PTDSS1: variants seen among roughly 807,000 people sequenced by gnomAD.
The protein encoded by PTDSS1 is PSS-1.
In PTDSS1, 45 loss-of-function variants were observed where a neutral mutation model predicts 70.5. The ratio of observed to expected loss-of-function variants is 0.64; its 90% CI spans 0.50 to 0.82. The LOEUF is 0.82. PTDSS1 is among the 40% of genes least tolerant of loss of function. The pLI, the probability that PTDSS1 is intolerant of heterozygous loss-of-function variation, is 0.00. For synonymous variants in PTDSS1, 188 were observed against 203.8 expected, an observed-to-expected ratio of 0.92 and a Z score of 0.66; for missense variants, 417 against 586.1, an observed-to-expected ratio of 0.71 and a Z score of 2.98.
intron 10 of PTDSS1, among the ~76,000 whole-genome samples, chr8:96,320,948 GT>G (rs1811365734): frequency 6.6e-6 from 1 of 152,190 alleles, no homozygotes; most frequent in African/African-American, 2.4e-5. Flanking sequence ...AAGTAAGATA[GT>G]ACCCACTTAC....
chr8:96,265,738 C>G (rs190615206), intron 1 of PTDSS1, among the ~76,000 whole-genome samples: 1 of 152,318 alleles, frequency 6.6e-6, no homozygotes, highest in East Asian at 1.9e-4. Context: ...CTCCACCCTA[C>G]TCACTCGACA....
At chr8:96,279,518 TA>T (rs978433383) in intron 2 of PTDSS1, among the ~76,000 whole-genome samples, 68 of 146,050 alleles carry the variant, frequency 4.7e-4, no homozygotes, top group Admixed American at 6.8e-4. Context: ...CTACTTTTTG[TA>T]AAAAAAAAAA....
At chr8:96,317,901 G>A (rs1349078705) in intron 9 of PTDSS1, among the ~76,000 whole-genome samples, 734 of 36,072 alleles carry the variant, frequency 0.02, 9 homozygotes, top group African/African-American at 0.064. Flanking sequence ...GTGTGTGTGT[G>A]TGTGTGTGTG....
chr8:96,296,636 A>T (rs1810980143), intron 5 of PTDSS1, among the ~76,000 whole-genome samples: 1 of 152,156 alleles, frequency 6.6e-6, no homozygotes, highest in African/African-American at 2.4e-5. Flanking sequence ...GACACAATTC[A>T]ACCGATCCAT....
intron 10 of PTDSS1, among the ~76,000 whole-genome samples, chr8:96,323,121 G>C (rs144485630): frequency 6.6e-6 from 1 of 152,356 alleles, no homozygotes; most frequent in East Asian, 1.9e-4. Context: ...TTTATGTTCT[G>C]TGTCCTGGCC....
chr8:96,267,377 C>T (rs1268217686), intron 1 of PTDSS1, among the ~76,000 whole-genome samples: 5 of 152,122 alleles, frequency 3.3e-5, no homozygotes, highest in South Asian at 2.1e-4. Flanking sequence ...TTATAGCTTT[C>T]GGGACTGTTC....
chr8:96,327,579 C>T (rs1811455663), intron 10 of PTDSS1, among the ~76,000 whole-genome samples: 2 of 152,160 alleles, frequency 1.3e-5, no homozygotes. Flanking sequence ...CCTTCTGCCC[C>T]ACTCAGAAAA....
chr8:96,306,668 C>T lies in PTDSS1; in HGVS notation c.1007+112C>T, dbSNP rs182511609. ...AGCAGATTTTCCATGAAAATACCAT[C>T]GTAAAGAATTGTACATCCAGAATAT... On this transcript the variant is annotated intron_variant, in intron 8 of 12. Coordinates refer to ENST00000517309, the MANE Select transcript of PTDSS1 (RefSeq NM_014754.3). 2.2e-5 allele frequency: 18 copies of T among 819,238 alleles called. No homozygotes were observed. In the Admixed American group the frequency reaches 2.3e-4, roughly 10 times the overall value. 50.7% of individuals were successfully genotyped at this position (819,238 alleles called of 1,614,324 possible).
intron 12 of PTDSS1, among the ~76,000 whole-genome samples, chr8:96,332,077 C>A (rs1222268896): frequency 7.7e-6 from 1 of 129,866 alleles, no homozygotes; most frequent in East Asian, 2.4e-4. Flanking sequence ...AAAAGCCTTT[C>A]AAAAGAGGGG....
intron 5 of PTDSS1, among the ~76,000 whole-genome samples, chr8:96,296,777 A>G (rs1810982215): frequency 6.6e-6 from 1 of 152,128 alleles, no homozygotes; most frequent in Non-Finnish European, 1.5e-5. Flanking sequence ...GTGAGTTAGG[A>G]TTGGATTCCA....
In PTDSS1 at chr8:96,327,238, G is replaced by A. The variant is rs964988907; in HGVS notation, c.1174-2975G>A. The stretch of plus-strand genomic sequence containing the variant: ...TTGGAGTCCTGGGATTAGGTTAAGA[G>A]CTCAGGGAACATGCCTCTGGGAGAG... On this transcript the variant is annotated intron_variant, in intron 10 of 12. Coordinates refer to ENST00000517309, the MANE Select transcript of PTDSS1 (RefSeq NM_014754.3). Among the ~76,000 whole-genome samples, 6 of 152,202 alleles carry A rather than the reference G, an allele frequency of 3.9e-5. 1 individual carries two copies. In the South Asian group the frequency reaches 1.0e-3, roughly 26 times the overall value.
At chr8:96,287,321 C>T in intron 4 of PTDSS1, 175 bp downstream of exon 4, 1 of 800,460 alleles carries the variant, frequency 1.2e-6, no homozygotes, top group Non-Finnish European at 1.9e-6. Flanking sequence ...TGATAGAGTT[C>T]AGGGAAAGAA....
chr8:96,300,335 C>T (rs909670077), intron 6 of PTDSS1, among the ~76,000 whole-genome samples: 14 of 152,170 alleles, frequency 9.2e-5, no homozygotes, highest in Admixed American at 3.3e-4. Context: ...TTTCTCTACA[C>T]CCTCCCAGGC....
intron 4 of PTDSS1, 134 bp downstream of exon 4, chr8:96,287,280 A>G: frequency 8.0e-7 from 1 of 1,251,140 alleles, no homozygotes; most frequent in Non-Finnish European, 1.1e-6. Flanking sequence ...GGTCTCTGGG[A>G]GGGTTGTTGA....
intron 10 of PTDSS1, 85 bp downstream of exon 10, chr8:96,320,430 T>G (rs1284104834): frequency 8.5e-7 from 1 of 1,182,788 alleles, no homozygotes; most frequent in Non-Finnish European, 1.2e-6. Context: ...AACCCTCTTG[T>G]GTATCAAAGT....
chr8:96,262,021 G>A lies in PTDSS1; in HGVS notation c.-20G>A. 1 of 1,605,412 alleles carries A rather than the reference G, an allele frequency of 6.2e-7. No homozygotes were observed. The highest frequency in any genetic ancestry group is 2.2e-5 in the East Asian group (1 of 44,536). Reference sequence around the variant, plus strand: ...TCGGGCTGGGGCCGCCGCCACCGCGGCAGGACGGGGAGGCGGGCCATGGCG... The same window carrying A: ...TCGGGCTGGGGCCGCCGCCACCGCGACAGGACGGGGAGGCGGGCCATGGCG... On this transcript the variant is annotated 5_prime_UTR_variant, in exon 1 of 13. Coordinates refer to ENST00000517309, the MANE Select transcript of PTDSS1 (RefSeq NM_014754.3). The surrounding 1 kb of genome is among the most constrained non-coding windows in gnomAD (Gnocchi z 4.4).
At chr8:96,273,737 A>G (rs1484838882) in intron 2 of PTDSS1, among the ~76,000 whole-genome samples, 1 of 152,188 alleles carries the variant, frequency 6.6e-6, no homozygotes, top group Non-Finnish European at 1.5e-5. Flanking sequence ...TGTTATTATC[A>G]GTTGAGTCAT....
At chr8:96,290,225 C>T (rs189129497) in intron 4 of PTDSS1, among the ~76,000 whole-genome samples, 1 of 152,242 alleles carries the variant, frequency 6.6e-6, no homozygotes, top group African/African-American at 2.4e-5. Context: ...CTCACAGGAG[C>T]CTTAGGAAAT....
chr8:96,302,036 T>TG (rs1256026058), intron 6 of PTDSS1, among the ~76,000 whole-genome samples: 3 of 152,170 alleles, frequency 2.0e-5, no homozygotes. Context: ...TTTGTTTTTT[T>TG]GAGACAGAGT....
Sources: allele counts gnomAD v4.1 joint callset (sites outside exome capture counted in the v4.1 genomes callset), GRCh38; gene constraint gnomAD v4.1.1; non-coding constraint Gnocchi (gnomAD v3.1); transcripts MANE v1.5; gene names NCBI Gene and HGNC (gene_info 2026-07-23, HGNC 2026-07-21).